The following SLC35E2B variants were observed in gnomAD, a reference collection of about 807,000 sequenced individuals.
The protein encoded by SLC35E2B is solute carrier family 35 member E2B.
In SLC35E2B, 18 loss-of-function variants were observed where a neutral mutation model predicts 32.4. The ratio of observed to expected loss-of-function variants is 0.56; its 90% CI spans 0.38 to 0.82. SLC35E2B has a LOEUF of 0.82. Among genes scored for constraint, SLC35E2B ranks in the 40% least tolerant of loss-of-function variants. The pLI, the probability that SLC35E2B is intolerant of heterozygous loss-of-function variation, is 0.00. For missense variants in SLC35E2B, 263 were observed against 469.5 expected, an observed-to-expected ratio of 0.56 and a Z score of 4.06; for synonymous variants, 132 against 209.1, an observed-to-expected ratio of 0.63 and a Z score of 3.18.
intron 7 of SLC35E2B, 33 bp from the exon 8 acceptor site, chr1:1,669,769 G>A (rs1643637645): frequency 5.2e-6 from 8 of 1,547,546 alleles, no homozygotes; most frequent in Non-Finnish European, 7.0e-6. Context: ...GGCCCCCCGT[G>A]TCGGGACAGG....
chr1:1,668,105 G>A (rs1405458319), intron 9 of SLC35E2B, among the ~76,000 whole-genome samples: 1 of 151,984 alleles, frequency 6.6e-6, no homozygotes, highest in Admixed American at 6.6e-5. Context: ...CACTTGCCTT[G>A]TCCTCTCAAG....
At position 1,663,082 on chromosome 1, in the gene SLC35E2B, C is replaced by G; in HGVS notation, c.*2700G>C. The G allele has an allele frequency of 2.1e-6, 2 of 959,466 alleles. No homozygotes were observed. The highest frequency in any genetic ancestry group is 2.5e-6 in the Non-Finnish European group (2 of 806,870). 59.4% of individuals were successfully genotyped at this position (959,466 alleles called of 1,614,324 possible). A position where few individuals can be genotyped will look rare whatever the true frequency, so the allele number is the denominator to read the frequency against. On this transcript the variant is annotated 3_prime_UTR_variant, in exon 10 of 10. Transcript: ENST00000617444. ...AGACTGAGGGAGAGGGAGGGGACAG[C>G]ACGACTGAGCAAGGGCACAGTGCTG...
In SLC35E2B at chr1:1,662,749, A is replaced by C. The variant is rs1326762312; in HGVS notation, c.*3033T>G. The C allele has an allele frequency of 1.3e-6, 1 of 748,372 alleles. No homozygotes were observed. The highest frequency in any genetic ancestry group is 1.6e-6 in the Non-Finnish European group (1 of 610,304). 46.4% of individuals were successfully genotyped at this position (748,372 alleles called of 1,614,324 possible). The stretch of plus-strand genomic sequence containing the variant: ...AGAGCTGCAAATCTCTTAAGTATCA[A>C]CGTAAAGAAGCCGATGACCCAATTC... On this transcript the variant is annotated 3_prime_UTR_variant, in exon 10 of 10. Transcript: ENST00000617444.
chr1:1,687,831 T>G (rs888255851), intron 2 of SLC35E2B, among the ~76,000 whole-genome samples: 1 of 150,976 alleles, frequency 6.6e-6, no homozygotes, highest in African/African-American at 2.4e-5. Flanking sequence ...GAGGCGGAGG[T>G]TGCAGGGAAC....
intron 2 of SLC35E2B, among the ~76,000 whole-genome samples, chr1:1,680,629 C>T (rs1012674514): frequency 5.9e-5 from 9 of 152,108 alleles, no homozygotes; most frequent in Non-Finnish European, 7.4e-5. Context: ...GTTGAGCCCA[C>T]GTGGTCCCGG....
chr1:1,679,043 G>A (rs1643877472), intron 2 of SLC35E2B, among the ~76,000 whole-genome samples: 1 of 152,132 alleles, frequency 6.6e-6, no homozygotes, highest in African/African-American at 2.4e-5. Context: ...AGGCCTCACG[G>A]CCCTTGACCT....
chr1:1,689,447 G>C (rs775090650), intron 2 of SLC35E2B, among the ~76,000 whole-genome samples: 2 of 151,608 alleles, frequency 1.3e-5, no homozygotes. Flanking sequence ...TCACCCACGT[G>C]AGACACACGA....
chr1:1,675,521 C>A lies in SLC35E2B; in HGVS notation c.528G>T (p.Lys176Asn). The A allele has an allele frequency of 6.4e-7, 1 of 1,565,792 alleles. No individual in the cohort carries two copies. Among genetic ancestry groups the A allele is most frequent in the Non-Finnish European group, 8.7e-7 (1 of 1,153,714 alleles). The change falls in exon 5 of 10, where the codon AAG becomes AAT. Residue 176 changes from lysine to asparagine, a missense_variant. By Grantham distance (94) the Lys-to-Asn change is moderately conservative. Around this residue, in one of 7 missense-constraint regions of SLC35E2B, gnomAD observed 129 missense variants for 164.5 expected, o/e 0.78. Coordinates refer to ENST00000617444, the MANE Select transcript of SLC35E2B (RefSeq NM_001290264.2). ...NVAVSFAETVKSSAPIFTVIM... is the reference protein window; with the variant it reads ...NVAVSFAETVNSSAPIFTVIM... Reference sequence around the variant, plus strand: ...TCACCGTGAAGATGGGGGCGGAGCTCTTCACCGTCTCAGCAAACGAAACCG... The same window carrying A: ...TCACCGTGAAGATGGGGGCGGAGCTATTCACCGTCTCAGCAAACGAAACCG...
Position 1,664,863 on chromosome 1 carries a change from A to C in SLC35E2B, c.*919T>G. On this transcript the variant is annotated 3_prime_UTR_variant, in exon 10 of 10. Transcript: ENST00000617444. ...GGACAGGTGCTAGATGATGATAGGAACAGTGGGCTCTGAGGGAGGACAGAC... is the reference window on the plus strand; with the variant it reads ...GGACAGGTGCTAGATGATGATAGGACCAGTGGGCTCTGAGGGAGGACAGAC... 1 of 917,194 alleles carries C rather than the reference A, an allele frequency of 1.1e-6. No homozygotes were observed. The highest frequency in any genetic ancestry group is 1.3e-6 in the Non-Finnish European group (1 of 772,622). The allele number at this position is 917,194 out of a possible 1,614,324, so 56.8% of individuals were successfully genotyped here.
rs1643972501 is a variant in SLC35E2B at position 1,688,028 on chromosome 1, C to A, written c.-148+2948G>T. On this transcript the variant is annotated intron_variant, in intron 2 of 9. Transcript: ENST00000617444. ...CAGAGGAGCGGTCATGTTGGCTGCGCCGAAAGTTTGTGATCTAGGAATGAA... is the reference window on the plus strand; with the variant it reads ...CAGAGGAGCGGTCATGTTGGCTGCGACGAAAGTTTGTGATCTAGGAATGAA... 2.6e-5 allele frequency among the ~76,000 whole-genome samples: 4 copies of A among 152,084 alleles called. No homozygotes were observed. The South Asian group carries it at 8.3e-4, about 32-fold the overall frequency.
intron 2 of SLC35E2B, among the ~76,000 whole-genome samples, chr1:1,688,721 GAA>G (rs1262140690): frequency 6.6e-6 from 1 of 151,964 alleles, no homozygotes; most frequent in African/African-American, 2.4e-5. Context: ...GAATCAGAGA[GAA>G]AGCTATGCAC....
At chr1:1,669,376 T>G (rs1490743914) in intron 8 of SLC35E2B, among the ~76,000 whole-genome samples, 2 of 150,966 alleles carry the variant, frequency 1.3e-5, no homozygotes, top group African/African-American at 2.4e-5. Context: ...AAAAAAAAAG[T>G]TTTTCTAATA....
intron 2 of SLC35E2B, among the ~76,000 whole-genome samples, chr1:1,679,946 C>A (rs910960990): frequency 6.6e-6 from 1 of 151,364 alleles, no homozygotes; most frequent in Admixed American, 6.6e-5. Context: ...GCCTGACCAA[C>A]GTGGAGAAAC....
chr1:1,667,859 T>G (rs1643585295), intron 9 of SLC35E2B, among the ~76,000 whole-genome samples: 3 of 151,980 alleles, frequency 2.0e-5, no homozygotes, highest in South Asian at 4.2e-4. Context: ...TTTTTCTGTT[T>G]TTTTTTTTTT....
At chr1:1,683,562 TC>T (rs955176824) in intron 2 of SLC35E2B, among the ~76,000 whole-genome samples, 3 of 152,110 alleles carry the variant, frequency 2.0e-5, no homozygotes, top group African/African-American at 7.2e-5. Flanking sequence ...CCGAAGACCA[TC>T]CCACTCTTTC....
At chr1:1,679,218 G>A (rs541503810) in intron 2 of SLC35E2B, among the ~76,000 whole-genome samples, 13 of 152,308 alleles carry the variant, frequency 8.5e-5, no homozygotes, top group East Asian at 1.9e-4. Flanking sequence ...ACGTGGGCTC[G>A]GGCGTGTGCA....
At chr1:1,674,636 A>AAC (rs1553169857) in intron 5 of SLC35E2B, among the ~76,000 whole-genome samples, 1 of 150,468 alleles carries the variant, frequency 6.6e-6, no homozygotes, top group Non-Finnish European at 1.5e-5. Flanking sequence ...AAAAAAACAA[A>AAC]AAAAAAAAAA....
chr1:1,671,254 A>G (rs999341513), intron 6 of SLC35E2B: 9 of 326,570 alleles, frequency 2.8e-5, no homozygotes, highest in African/African-American at 4.3e-5. Flanking sequence ...TGCGTATTTC[A>G]GCATTTGTCA....
chr1:1,674,796 C>T (rs1171232301), intron 5 of SLC35E2B, among the ~76,000 whole-genome samples: 1 of 152,152 alleles, frequency 6.6e-6, no homozygotes, highest in East Asian at 1.9e-4. Flanking sequence ...ACACTTCCCT[C>T]GGCCTTAAGA....
Sources: allele counts gnomAD v4.1 joint callset (sites outside exome capture counted in the v4.1 genomes callset), GRCh38; gene constraint gnomAD v4.1.1; regional missense constraint gnomAD v4.1.1; transcripts MANE v1.5; gene names NCBI Gene and HGNC (gene_info 2026-07-23, HGNC 2026-07-21).